The following CTNND2 variants were observed in gnomAD, a reference collection of about 807,000 sequenced individuals.
CTNND2 encodes catenin delta-2.
A neutral mutation model predicts 144.4 loss-of-function variants in CTNND2; 22 were observed. That is an observed-to-expected ratio of 0.15 (90% CI 0.11 to 0.22). CTNND2 has a LOEUF of 0.22. Ranked by LOEUF, CTNND2 falls within the 10% of genes least tolerant of loss-of-function variation. The pLI, the probability that CTNND2 is intolerant of heterozygous loss-of-function variation, is 1.00. For missense variants in CTNND2, 1,353 were observed against 1,618.8 expected (o/e 0.84, Z 2.82); for synonymous variants, 751 against 695.6 (o/e 1.08, Z -1.25).
At chr5:10,980,546 G>C (rs1180167143) in intron 21 of CTNND2, among the ~76,000 whole-genome samples, 1 of 152,146 alleles carries the variant, frequency 6.6e-6, no homozygotes, top group Non-Finnish European at 1.5e-5. Flanking sequence ...CCATTACTGG[G>C]TATATACCCA....
intron 2 of CTNND2, among the ~76,000 whole-genome samples, chr5:11,707,521 C>T (rs942723316): frequency 6.6e-6 from 1 of 152,112 alleles, no homozygotes; most frequent in Non-Finnish European, 1.5e-5. Flanking sequence ...ATATTTGTAC[C>T]TTTCCAGCCT....
chr5:11,064,719 T>C (rs1029848264), intron 16 of CTNND2, among the ~76,000 whole-genome samples: 1 of 152,182 alleles, frequency 6.6e-6, no homozygotes, highest in Non-Finnish European at 1.5e-5. Context: ...CTTTGTCTCT[T>C]GCCAAAGCAA....
chr5:11,006,854 C>T (rs555374778), intron 18 of CTNND2, among the ~76,000 whole-genome samples: 86 of 152,228 alleles, frequency 5.6e-4, no homozygotes, highest in Admixed American at 2.0e-3. Context: ...GCATATGTAT[C>T]TCTAGGGGAA....
At chr5:11,640,604 A>T (rs1781950247) in intron 2 of CTNND2, among the ~76,000 whole-genome samples, 1 of 152,228 alleles carries the variant, frequency 6.6e-6, no homozygotes. Flanking sequence ...TCAAACCTGC[A>T]CGTGCCCTAT....
intron 3 of CTNND2, among the ~76,000 whole-genome samples, chr5:11,518,311 A>C (rs1772379091): frequency 6.6e-6 from 1 of 152,178 alleles, no homozygotes; most frequent in African/African-American, 2.4e-5. Flanking sequence ...TAATGATAGA[A>C]ATATTTTTGT....
chr5:11,081,330 A>G (rs980803436), intron 16 of CTNND2, among the ~76,000 whole-genome samples: 8 of 152,220 alleles, frequency 5.3e-5, no homozygotes, highest in Non-Finnish European at 1.0e-4. Flanking sequence ...TGTTCCCACC[A>G]AAGATAAGAT....
At chr5:11,133,395 C>T (rs955123493) in intron 12 of CTNND2, among the ~76,000 whole-genome samples, 2 of 151,980 alleles carry the variant, frequency 1.3e-5, no homozygotes, top group Non-Finnish European at 2.9e-5. Flanking sequence ...TCTTGTTGCC[C>T]AGGCTGGAGT....
rs199842805 is a variant in CTNND2, at chr5:10,999,515, C to T, written c.3085-6838G>A. Among the ~76,000 whole-genome samples the T allele has an allele frequency of 1.6e-4, 25 of 152,234 alleles. No homozygotes were observed. In the East Asian group the frequency reaches 2.7e-3, roughly 16 times the overall value. The stretch of plus-strand genomic sequence containing the variant: ...GAGAGTGAAGAATCACCACGGTAAC[C>T]GGGGAAGGGCCATGAATCCTTCCTA... On this transcript the variant is annotated intron_variant, in intron 18 of 21. Transcript: ENST00000304623.
intron 9 of CTNND2, among the ~76,000 whole-genome samples, chr5:11,302,050 C>G (rs1272844208): frequency 6.6e-6 from 1 of 152,124 alleles, no homozygotes; most frequent in South Asian, 2.1e-4. Context: ...TGAGCTGGAG[C>G]TGAGAGGTAA....
At chr5:11,366,979 A>T (rs889032873) in intron 7 of CTNND2, among the ~76,000 whole-genome samples, 1 of 152,206 alleles carries the variant, frequency 6.6e-6, no homozygotes, top group African/African-American at 2.4e-5. Flanking sequence ...GGTAAAGTCT[A>T]CCTATGTGGA....
intron 1 of CTNND2, among the ~76,000 whole-genome samples, chr5:11,813,283 T>C (rs1792441555): frequency 6.6e-6 from 1 of 152,168 alleles, no homozygotes; most frequent in Non-Finnish European, 1.5e-5. Flanking sequence ...AATATTCGCA[T>C]AACGACGAAG....
intron 3 of CTNND2, among the ~76,000 whole-genome samples, chr5:11,541,231 T>C (rs1774703580): frequency 6.6e-6 from 1 of 152,184 alleles, no homozygotes; most frequent in South Asian, 2.1e-4. Context: ...GTCCCAGGGA[T>C]AAGTGTTTCA....
intron 9 of CTNND2, among the ~76,000 whole-genome samples, chr5:11,298,369 C>T (rs1169885486): frequency 1.3e-5 from 2 of 152,064 alleles, no homozygotes; most frequent in East Asian, 3.9e-4. Context: ...TGGGGACTTG[C>T]TATGTTGCTC....
At chr5:11,303,580 T>A (rs1177033974) in intron 9 of CTNND2, among the ~76,000 whole-genome samples, 1 of 152,202 alleles carries the variant, frequency 6.6e-6, no homozygotes, top group Non-Finnish European at 1.5e-5. Flanking sequence ...ATGTAGGCCA[T>A]CAGTATTTAT....
rs75516421 is a variant in CTNND2, at chr5:11,401,004, G to A, written c.440-3801C>T. Among the ~76,000 whole-genome samples the A allele has an allele frequency of 6.4e-3, 970 of 152,346 alleles. 11 individuals carry two copies. Among genetic ancestry groups the A allele is most frequent in the Middle Eastern group, 0.02 (6 of 294 alleles). On this transcript the variant is annotated intron_variant, in intron 5 of 21. Coordinates refer to ENST00000304623, the MANE Select transcript of CTNND2 (RefSeq NM_001332.4). ...AACAGAAATCCACTTGTTTGCAGGA[G>A]AAATCTTCATGCCTCAGATTTTGGT...
chr5:11,005,528 TG>T, intron 18 of CTNND2, among the ~76,000 whole-genome samples: 1 of 152,172 alleles, frequency 6.6e-6, no homozygotes, highest in African/African-American at 2.4e-5. Flanking sequence ...GAGACATAGT[TG>T]GGTATGGGAG....
chr5:11,054,560 G>T (rs1386323926), intron 16 of CTNND2, among the ~76,000 whole-genome samples: 15 of 152,034 alleles, frequency 9.9e-5, no homozygotes, highest in Admixed American at 9.8e-4. Context: ...CCCCTCAGCT[G>T]CTCCCGCCTT....
At chr5:11,853,516 A>C (rs140152636) in intron 1 of CTNND2, among the ~76,000 whole-genome samples, 17 of 152,226 alleles carry the variant, frequency 1.1e-4, no homozygotes, top group African/African-American at 3.6e-4. Context: ...GATGAATCTC[A>C]AGTCACTGCC....
At chr5:11,692,083 CACCAT>C (rs1784935784) in intron 2 of CTNND2, among the ~76,000 whole-genome samples, 1 of 152,088 alleles carries the variant, frequency 6.6e-6, no homozygotes, top group African/African-American at 2.4e-5. Context: ...ATCTAAGAAA[CACCAT>C]ACATCTATTT....
Sources: allele counts gnomAD v4.1 joint callset (sites outside exome capture counted in the v4.1 genomes callset), GRCh38; gene constraint gnomAD v4.1.1; transcripts MANE v1.5; gene names NCBI Gene and HGNC (gene_info 2026-07-23, HGNC 2026-07-21).